FANCA: variants seen among roughly 807,000 people sequenced by gnomAD.
FANCA encodes the protein Fanconi anemia group A protein.
A neutral mutation model predicts 194.3 loss-of-function variants in FANCA; 236 were observed. The ratio of observed to expected loss-of-function variants is 1.21; its 90% confidence interval spans 1.09 to 1.35. The LOEUF is 1.35. FANCA is among the 40% of genes most tolerant of loss of function. The pLI is 0.00. For synonymous variants in FANCA, 1,014 were observed against 715.8 expected (o/e 1.42, Z -6.65); for missense variants, 2,628 against 1,813.9 (o/e 1.45, Z -8.15).
intron 15 of FANCA, among the ~76,000 whole-genome samples, chr16:89,784,643 A>G (rs941086710): frequency 1.3e-5 from 2 of 151,928 alleles, no homozygotes; most frequent in African/African-American, 2.4e-5. Context: ...GCACACACGC[A>G]CTCACTGTGT....
Position 89,810,916 on chromosome 16 carries a change from G to C in FANCA, c.426+13C>G, listed in dbSNP as rs755598667. On this transcript the variant is annotated intron_variant, in intron 4 of 42. Coordinates refer to ENST00000389301, the MANE Select transcript of FANCA (RefSeq NM_000135.4). The stretch of plus-strand genomic sequence containing the variant: ...ACAACGGGCAGGTTTCCTCATCTTT[G>C]CTGGTGTCTTACTCTCTGCTCCACA... 4 of 1,614,122 alleles carry C rather than the reference G, an allele frequency of 2.5e-6. No homozygotes were observed. Among genetic ancestry groups the C allele is most frequent in the Non-Finnish European group, 3.4e-6 (4 of 1,180,036 alleles).
intron 17 of FANCA, among the ~76,000 whole-genome samples, chr16:89,780,200 G>A (rs1157183544): frequency 6.6e-6 from 1 of 152,182 alleles, no homozygotes; most frequent in Non-Finnish European, 1.5e-5. Context: ...ACCCCGTGAT[G>A]TGCGGCCCTC....
chr16:89,811,842 T>G (rs532625499), intron 3 of FANCA, among the ~76,000 whole-genome samples: 2 of 152,128 alleles, frequency 1.3e-5, no homozygotes, highest in South Asian at 2.1e-4. Flanking sequence ...GCGATTCTCC[T>G]GCCTCAGCCT....
At chr16:89,770,070 C>T (rs200761026) in intron 25 of FANCA, 46 bp from the exon 26 acceptor site, 41 of 1,598,344 alleles carry the variant, frequency 2.6e-5, no homozygotes, top group Non-Finnish European at 3.3e-5. Context: ...CTCTTCCAAG[C>T]TGGAATTTTC....
At chr16:89,787,430 G>C (rs1381734001) in intron 14 of FANCA, among the ~76,000 whole-genome samples, 1 of 152,134 alleles carries the variant, frequency 6.6e-6, no homozygotes, top group Non-Finnish European at 1.5e-5. Flanking sequence ...GGCTGTGGCA[G>C]GAGAATGGCG....
chr16:89,748,688 G>C lies in FANCA; in HGVS notation c.3319C>G (p.Gln1107Glu). 1 of 1,614,114 alleles carries C rather than the reference G, an allele frequency of 6.2e-7. No individual in the cohort carries two copies. Among genetic ancestry groups the C allele is most frequent in the Non-Finnish European group, 8.5e-7 (1 of 1,179,996 alleles). Residue 1107 changes from glutamine (Q) to glutamate (E), a missense_variant, in exon 33 of 43, where the codon CAG (glutamine) becomes GAG (glutamate). Transcript: ENST00000389301. ...TCAGAGTTGACCAAGTGGAAGAACT[G>C]CTCGCATCTGGCAGTGATGGGCTGT... is the stretch of plus-strand genomic sequence containing the variant. ...AEQPITARCE[Q>E]FFHLVNSEMR...
At position 89,795,777 on chromosome 16, in the gene FANCA, C is replaced by T. The variant is rs1368316990; in HGVS notation, c.1006+129G>A. On this transcript the variant is annotated intron_variant, in intron 11 of 42. Coordinates refer to ENST00000389301, the MANE Select transcript of FANCA (RefSeq NM_000135.4). ...AATCTCAGGCATCTGAGGACCCAGT[C>T]TCTGGTTCAAGACAGACGTAAAAGA... is the stretch of plus-strand genomic sequence containing the variant. 2.9e-5 allele frequency: 21 copies of T among 725,338 alleles called. 1 individual carries two copies. In the Middle Eastern group the frequency reaches 2.7e-3, roughly 95 times the overall value. The allele number at this position is 725,338 out of a possible 1,614,324, so 44.9% of individuals were successfully genotyped here.
intron 29 of FANCA, among the ~76,000 whole-genome samples, chr16:89,759,904 A>G (rs1044500870): frequency 6.6e-6 from 1 of 152,114 alleles, no homozygotes; most frequent in Non-Finnish European, 1.5e-5. Flanking sequence ...ACTGTCCGGG[A>G]CTGGGGTGCT....
intron 24 of FANCA, 133 bp from the exon 25 acceptor site, chr16:89,770,392 A>G (rs144806839): frequency 9.6e-7 from 1 of 1,043,534 alleles, no homozygotes; most frequent in East Asian, 2.6e-5. Context: ...CTGGAAGACA[A>G]CCCATCTTCT....
Position 89,812,666 on chromosome 16 carries a change from A to AAAAAAAAAC in FANCA, c.284-1596_284-1595insGTTTTTTTT, listed in dbSNP as rs1256354674. Among the ~76,000 whole-genome samples the AAAAAAAAAC allele has an allele frequency of 8.9e-4, 132 of 147,828 alleles. 3 individuals carry two copies. Among genetic ancestry groups the AAAAAAAAAC allele is most frequent in the African/African-American group, 2.1e-3 (83 of 39,234 alleles). ...CGTCTCAAAAAAAAAAAAAAAAAAA[A>AAAAAAAAAC]AAAACTGTTAACTGCAGTACGAACC... On this transcript the variant is annotated intron_variant, in intron 3 of 42. Coordinates refer to ENST00000389301, the MANE Select transcript of FANCA (RefSeq NM_000135.4).
At chr16:89,764,338 T>C (rs764794849) in intron 28 of FANCA, among the ~76,000 whole-genome samples, 3 of 152,224 alleles carry the variant, frequency 2.0e-5, no homozygotes, top group Non-Finnish European at 4.4e-5. Flanking sequence ...AGGGTCTTGC[T>C]GTGTCATCCT....
At chr16:89,755,299 C>T (rs1035386293) in intron 30 of FANCA, among the ~76,000 whole-genome samples, 3 of 151,902 alleles carry the variant, frequency 2.0e-5, no homozygotes, top group African/African-American at 7.2e-5. Context: ...CAACCTCCGC[C>T]TCCCAGGTTC....
chr16:89,782,931 C>A lies in FANCA; in HGVS notation c.1567-13G>T. On this transcript the variant is annotated splice_polypyrimidine_tract_variant and intron_variant, in intron 16 of 42. Transcript: ENST00000389301. ...TTTCTATAGAAACCTTCAGGGAAGA[C>A]ACAGAATGAGAACAAGAAAACAAAG... The A allele has an allele frequency of 6.2e-7, 1 of 1,613,834 alleles. No individual in the cohort carries two copies. Among genetic ancestry groups the A allele is most frequent in the Non-Finnish European group, 8.5e-7 (1 of 1,179,732 alleles).
chr16:89,754,209 G>A (rs1195236207), intron 30 of FANCA, among the ~76,000 whole-genome samples: 3 of 149,372 alleles, frequency 2.0e-5, no homozygotes, highest in Admixed American at 6.7e-5. Flanking sequence ...GTGACAGAGC[G>A]AGACTCCGTC....
chr16:89,765,023 G>A lies in FANCA; in HGVS notation c.2645C>T (p.Pro882Leu), dbSNP rs1475002829. The A allele has an allele frequency of 8.7e-6, 14 of 1,614,240 alleles. No individual in the cohort carries two copies. Among genetic ancestry groups the A allele is most frequent in the Non-Finnish European group, 1.2e-5 (14 of 1,180,044 alleles). The change falls in exon 28 of 43, where the codon CCT (proline) becomes CTT (leucine). Residue 882 changes from proline (P) to leucine (L), a missense_variant. Transcript: ENST00000389301. ...MFRLFSEARQ[P>L]LSEEDVASLS... Reference sequence around the variant, plus strand: ...GCTGGCTACGTCCTCCTCAGAAAGAGGCTGTCGGGCCTCTGAGAACAATCT... The same window carrying A: ...GCTGGCTACGTCCTCCTCAGAAAGAAGCTGTCGGGCCTCTGAGAACAATCT...
intron 5 of FANCA, among the ~76,000 whole-genome samples, chr16:89,809,565 T>C (rs1247769671): frequency 6.6e-5 from 10 of 150,704 alleles, no homozygotes; most frequent in Non-Finnish European, 1.2e-4. Flanking sequence ...GATACAAAAA[T>C]TGGGCAGGGC....
At chr16:89,747,232 A>G (rs1598072132) in intron 33 of FANCA, among the ~76,000 whole-genome samples, 2 of 152,214 alleles carry the variant, frequency 1.3e-5, no homozygotes, top group Admixed American at 6.5e-5. Context: ...CCAAGGGCCA[A>G]CCATCCTCTG....
Position 89,795,897 on chromosome 16 carries a change from T to C in FANCA, c.1006+9A>G, listed in dbSNP as rs751426431. ...GGTAGCAACTGAGCAGCCTCCACAC[T>C]GGGCCTACCTTTCAGCACAGGGCTG... On this transcript the variant is annotated intron_variant, in intron 11 of 42. Coordinates refer to ENST00000389301, the MANE Select transcript of FANCA (RefSeq NM_000135.4). 1 of 1,605,770 alleles carries C rather than the reference T, an allele frequency of 6.2e-7. No individual in the cohort carries two copies. Among genetic ancestry groups the C allele is most frequent in the Non-Finnish European group, 8.5e-7 (1 of 1,172,366 alleles).
At chr16:89,752,328 C>G in intron 30 of FANCA, 106 bp from the exon 31 acceptor site, 1 of 893,018 alleles carries the variant, frequency 1.1e-6, no homozygotes, top group Non-Finnish European at 1.9e-6. Flanking sequence ...GCTTCTCTGA[C>G]AGTGTGACCC....
Sources: gnomAD v4.1 joint callset for allele counts (sites outside exome capture counted in the v4.1 genomes callset) on GRCh38, gnomAD v4.1.1 for gene constraint, MANE v1.5 for transcripts, NCBI Gene and HGNC (gene_info 2026-07-23, HGNC 2026-07-21) for gene names.